Variants in LAMB2 observed in about 807,000 individuals in gnomAD.
The protein encoded by LAMB2 is laminin subunit beta 2.
A neutral mutation model predicts 202.7 loss-of-function variants in LAMB2; 119 were observed. That is an observed-to-expected ratio of 0.59 (90% CI 0.51 to 0.68). The LOEUF (loss-of-function observed/expected upper bound fraction) is 0.68, where lower values mean the gene tolerates loss of function less well. LAMB2 is among the 30% of genes least tolerant of loss of function. The probability of loss-of-function intolerance (pLI) is 0.00; values close to 1 mark genes in which losing one functional copy is unlikely to be tolerated. For synonymous variants in LAMB2, 818 were observed against 902.2 expected, an observed-to-expected ratio of 0.91 and a Z score of 1.67; for missense variants, 2,124 against 2,410.6, an observed-to-expected ratio of 0.88 and a Z score of 2.49.
intron 14 of LAMB2, 38 bp from the exon 15 acceptor site, chr3:49,128,623 C>T (rs770061806): frequency 6.2e-7 from 1 of 1,614,190 alleles, no homozygotes; most frequent in Non-Finnish European, 8.5e-7. Flanking sequence ...GCTCCCACAC[C>T]CAGAGGTTCA....
rs551006398 is a variant in LAMB2, at chr3:49,132,091, G to A, written c.459+25C>T. 21 of 1,609,348 alleles carry A rather than the reference G, an allele frequency of 1.3e-5. No homozygotes were observed. The highest frequency in any genetic ancestry group is 1.8e-5 in the Non-Finnish European group (21 of 1,175,896). On this transcript the variant is annotated intron_variant, in intron 4 of 31. Coordinates refer to ENST00000305544, the MANE Select transcript of LAMB2 (RefSeq NM_002292.4). The surrounding 1 kb of genome is among the most constrained non-coding windows in gnomAD (Gnocchi z 4.6). ...ATGGAGAGCCAAGCAGGGTGATTCG[G>A]GCAGGCTCCCAGATATGCAGGCACC...
Position 49,123,158 on chromosome 3 carries a change from G to C in LAMB2, c.4198C>G (p.Leu1400Val). 6.2e-7 allele frequency: 1 copy of C among 1,613,494 alleles called. No homozygotes were observed. Among genetic ancestry groups the C allele is most frequent in the Non-Finnish European group, 8.5e-7 (1 of 1,180,024 alleles). ...AGCTCATTTATGTCTGTCAGGCTCA[G>C]GGTGTGGGTATGGGCAGAGAGCTTG... ...LGKLSAHTHT[L>V]SLTDINELVC... Residue 1400 changes from leucine (L) to valine (V), a missense_variant, in exon 26 of 32, where the codon CTG becomes GTG. Physicochemically the swap from Leu to Val is conservative, Grantham distance 32 (BLOSUM62 1). Transcript: ENST00000305544.
Position 49,125,349 on chromosome 3 carries a change from C to T in LAMB2, c.2624G>A (p.Arg875Gln), listed in dbSNP as rs866936474. Residue 875 changes from arginine (R) to glutamine (Q), a missense_variant, in exon 19 of 32, where the codon CGG (arginine) becomes CAG (glutamine). Physicochemically the swap from Arg to Gln is conservative, Grantham distance 43. This residue lies in a region of LAMB2 where 1,702 missense variants were observed against 1,896.3 expected (regional missense o/e 0.90). Transcript: ENST00000305544. Reference sequence around the variant, plus strand: ...TGCATGCCCATTGCAGACACATGGCCGGCAGCTAGGGAATCCCCACTGGCC... The same window carrying T: ...TGCATGCCCATTGCAGACACATGGCTGGCAGCTAGGGAATCCCCACTGGCC... ...QRGQWGFPSC[R>Q]PCVCNGHADE... 8 of 1,613,930 alleles carry T rather than the reference C, an allele frequency of 5.0e-6. No homozygotes were observed. Among genetic ancestry groups the T allele is most frequent in the South Asian group, 3.3e-5 (3 of 91,082 alleles).
chr3:49,124,764 C>A lies in LAMB2; in HGVS notation c.3046G>T (p.Gly1016Cys). 6.2e-7 allele frequency: 1 copy of A among 1,614,188 alleles called. No homozygotes were observed. Among genetic ancestry groups the A allele is most frequent in the Non-Finnish European group, 8.5e-7 (1 of 1,180,038 alleles). ...GGCTTGCAGTGGGCACAGTGTGGACCCTCTGTGTGGTGTAAACAGCGCAGG... is the reference window on the plus strand; with the variant it reads ...GGCTTGCAGTGGGCACAGTGTGGACACTCTGTGTGGTGTAAACAGCGCAGG... ...QCLRCLHHTE[G>C]PHCAHCKPGF... The change falls in exon 21 of 32, where the codon GGT (glycine) becomes TGT (cysteine). Residue 1016 changes from glycine to cysteine, a missense_variant. This residue lies in a region of LAMB2 where 1,702 missense variants were observed against 1,896.3 expected (regional missense o/e 0.90). Coordinates refer to ENST00000305544, the MANE Select transcript of LAMB2 (RefSeq NM_002292.4).
At position 49,122,333 on chromosome 3, in the gene LAMB2, G is replaced by T. The variant is rs1436757841; in HGVS notation, c.4611C>A (p.Ala1537=). 6 of 1,613,282 alleles carry T rather than the reference G, an allele frequency of 3.7e-6. No homozygotes were observed. Residue 1537 remains alanine, a synonymous_variant, in exon 28 of 32, where the codon GCC becomes GCA. Transcript: ENST00000305544. ...GADPDSIEMV[A]TRVLELSIPA... is the part of the protein sequence containing the mutation. ...GGATGGAGAGCTCTAGCACCCGTGTGGCCACCATTTCAATGCTATCAGGAT... is the reference window on the plus strand; with the variant it reads ...GGATGGAGAGCTCTAGCACCCGTGTTGCCACCATTTCAATGCTATCAGGAT...
chr3:49,127,985 A>G (rs970491575), intron 15 of LAMB2, among the ~76,000 whole-genome samples: 3 of 143,180 alleles, frequency 2.1e-5, no homozygotes, highest in African/African-American at 7.8e-5. Flanking sequence ...GCACCACTGC[A>G]CTCCAGCCTG....
Position 49,130,244 on chromosome 3 carries a change from C to A in LAMB2, c.1212G>T (p.Pro404=). The A allele has an allele frequency of 1.2e-6, 2 of 1,614,218 alleles. No homozygotes were observed. Among genetic ancestry groups the A allele is most frequent in the Non-Finnish European group, 1.7e-6 (2 of 1,180,054 alleles). Residue 404 remains proline, a synonymous_variant, in exon 9 of 32, where the codon CCG becomes CCT. Transcript: ENST00000305544. The surrounding 1 kb of genome is among the most constrained non-coding windows in gnomAD (Gnocchi z 5.0). The part of the protein sequence containing the change: ...YRDPTKDLRD[P]AVCRSCDCDP... ...TCCCAGCCTCACAGCGGCACACAGC[C>A]GGATCCCGCAGGTCCTTGGTTGGGT...
Position 49,132,955 on chromosome 3 carries a change from C to A in LAMB2, c.-88G>T. ...CTTTGGGGTTCCGTGTCAACTCTGC[C>A]TGTGGGTCTTTGGCCTGTTTCCCTC... On this transcript the variant is annotated 5_prime_UTR_variant, in exon 1 of 32. The change creates a new upstream start codon in the 5' untranslated region. Transcript: ENST00000305544. The surrounding 1 kb of genome is among the most constrained non-coding windows in gnomAD (Gnocchi z 4.6). The A allele has an allele frequency of 8.2e-7, 1 of 1,223,736 alleles. No individual in the cohort carries two copies. The highest frequency in any genetic ancestry group is 1.7e-5 in the Admixed American group (1 of 57,424). The allele number at this position is 1,223,736 out of a possible 1,614,324, so 75.8% of individuals were successfully genotyped here.
In LAMB2 at chr3:49,131,501, G is replaced by A; in HGVS notation, c.648+34C>T. ...CCTTGCCTCAGGCCCATCATCCCCAGCTTCCAGCCCCCAGCCCAGATGCCA... is the reference window on the plus strand; with the variant it reads ...CCTTGCCTCAGGCCCATCATCCCCAACTTCCAGCCCCCAGCCCAGATGCCA... On this transcript the variant is annotated intron_variant, in intron 5 of 31. Transcript: ENST00000305544. This position sits in a 1 kb window ranked among gnomAD's most constrained non-coding sequence, Gnocchi z 5.0. The A allele has an allele frequency of 6.2e-7, 1 of 1,613,896 alleles. No homozygotes were observed. The highest frequency in any genetic ancestry group is 1.1e-5 in the South Asian group (1 of 91,078).
rs150213016 is a variant in LAMB2, at chr3:49,123,723, C to T, written c.3797+5G>A. On this transcript the variant is annotated splice_donor_5th_base_variant and intron_variant, in intron 24 of 31. Transcript: ENST00000305544. The stretch of plus-strand genomic sequence containing the variant: ...CCCACCATGTATTCTTAGGCCCTTC[C>T]GCACCGCAGCTCCTCTGTGGCCTCC... The T allele has an allele frequency of 8.3e-5, 134 of 1,613,502 alleles. No homozygotes were observed. The East Asian group carries it at 1.9e-3, about 23-fold the overall frequency.
In LAMB2 at chr3:49,122,821, C is replaced by T. The variant is rs1258961203; in HGVS notation, c.4456G>A (p.Glu1486Lys). Residue 1486 changes from glutamate to lysine, a missense_variant, in exon 27 of 32, where the codon GAG becomes AAG. This residue lies in a region of LAMB2 where 1,702 missense variants were observed against 1,896.3 expected (regional missense o/e 0.90). Coordinates refer to ENST00000305544, the MANE Select transcript of LAMB2 (RefSeq NM_002292.4). ...GCTGCCTGGGCCCGCTGCTGTGCCTCGCTTGCCTGCCGACGAGTCTCAGCC... is the reference window on the plus strand; with the variant it reads ...GCTGCCTGGGCCCGCTGCTGTGCCTTGCTTGCCTGCCGACGAGTCTCAGCC... The part of the protein sequence containing the change: ...RVAETRRQAS[E>K]AQQRAQAALD... 8 of 1,613,394 alleles carry T rather than the reference C, an allele frequency of 5.0e-6. No homozygotes were observed. The highest frequency in any genetic ancestry group is 3.3e-5 in the Admixed American group (2 of 60,014).
chr3:49,130,159 A>C lies in LAMB2; in HGVS notation c.1225+72T>G. The C allele has an allele frequency of 6.3e-7, 1 of 1,597,466 alleles. No individual in the cohort carries two copies. Among genetic ancestry groups the C allele is most frequent in the South Asian group, 1.1e-5 (1 of 90,220 alleles). Reference sequence around the variant, plus strand: ...CCCTAACCCCAATTTCCTGCAATTTAGACAGCAGTCCAGCTCTCTAGTTCC... The same window carrying C: ...CCCTAACCCCAATTTCCTGCAATTTCGACAGCAGTCCAGCTCTCTAGTTCC... On this transcript the variant is annotated intron_variant, in intron 9 of 31. Coordinates refer to ENST00000305544, the MANE Select transcript of LAMB2 (RefSeq NM_002292.4). This position sits in a 1 kb window ranked among gnomAD's most constrained non-coding sequence, Gnocchi z 5.0.
chr3:49,128,678 G>A lies in LAMB2; in HGVS notation c.1873C>T (p.Leu625=), dbSNP rs569372725. 15 of 1,614,208 alleles carry A rather than the reference G, an allele frequency of 9.3e-6. No individual in the cohort carries two copies. The highest frequency in any genetic ancestry group is 1.3e-5 in the Non-Finnish European group (15 of 1,180,046). Residue 625 remains leucine, a synonymous_variant, in exon 14 of 32, where the codon CTG becomes TTG. Coordinates refer to ENST00000305544, the MANE Select transcript of LAMB2 (RefSeq NM_002292.4). The stretch of plus-strand genomic sequence containing the variant: ...GGTCTAACCTGGGGCTCTAAGCGCA[G>A]CAGCAGGTCATAGTCCATAGCCTTC... ...VPKAMDYDLL[L]RLEPQVPEQW...
Position 49,130,283 on chromosome 3 carries a change from G to A in LAMB2, c.1173C>T (p.Pro391=). Residue 391 remains proline, a synonymous_variant, in exon 9 of 32, where the codon CCC becomes CCT. Transcript: ENST00000305544. This position sits in a 1 kb window ranked among gnomAD's most constrained non-coding sequence, Gnocchi z 5.0. ...TAGRHCELCR[P]FFYRDPTKDL... The stretch of plus-strand genomic sequence containing the variant: ...CCTTGGTTGGGTCACGGTAGAAGAA[G>A]GGCCGACAGAGCTCACAGTGGCGCC... 1 of 1,614,244 alleles carries A rather than the reference G, an allele frequency of 6.2e-7. No individual in the cohort carries two copies. Among genetic ancestry groups the A allele is most frequent in the Non-Finnish European group, 8.5e-7 (1 of 1,180,040 alleles).
chr3:49,128,036 A>AAAAG (rs1560074953), intron 15 of LAMB2, among the ~76,000 whole-genome samples: 4 of 149,694 alleles, frequency 2.7e-5, no homozygotes, highest in African/African-American at 9.8e-5. Context: ...AAAAAAAAAA[A>AAAAG]AAAGAAAAGA....
Position 49,131,280 on chromosome 3 carries a change from T to G in LAMB2, c.712+99A>C. On this transcript the variant is annotated intron_variant, in intron 6 of 31. Transcript: ENST00000305544. The surrounding 1 kb of genome is among the most constrained non-coding windows in gnomAD (Gnocchi z 5.0). ...ACTGCCACCCGAGCTAAACTGGGCT[T>G]GGCACCTGCCCTAGGAAGCACCCAA... is the stretch of plus-strand genomic sequence containing the variant. 6.7e-7 allele frequency: 1 copy of G among 1,489,990 alleles called. No individual in the cohort carries two copies. 92.3% of individuals were successfully genotyped at this position (1,489,990 alleles called of 1,614,324 possible). A position where few individuals can be genotyped will look rare whatever the true frequency, so the allele number is the denominator to read the frequency against.
chr3:49,129,176 CAAG>C lies in LAMB2; in HGVS notation c.1599-27_1599-25del. On this transcript the variant is annotated intron_variant, in intron 12 of 31. Coordinates refer to ENST00000305544, the MANE Select transcript of LAMB2 (RefSeq NM_002292.4). The surrounding 1 kb of genome is among the most constrained non-coding windows in gnomAD (Gnocchi z 6.1). ...ACCTGGAGGGAACTCTGTGGTTACT[CAAG>C]AAGAACCTTCTCTTCTGCTCAGGAT... is the stretch of plus-strand genomic sequence containing the variant. The C allele has an allele frequency of 1.2e-6, 2 of 1,614,084 alleles. No homozygotes were observed. The highest frequency in any genetic ancestry group is 1.7e-6 in the Non-Finnish European group (2 of 1,180,032).
In LAMB2 at chr3:49,125,111, A is replaced by G. The variant is rs761875604; in HGVS notation, c.2779T>C (p.Cys927Arg). 3.7e-6 allele frequency: 6 copies of G among 1,613,744 alleles called. No individual in the cohort carries two copies. Among genetic ancestry groups the G allele is most frequent in the South Asian group, 1.1e-5 (1 of 91,082 alleles). Reference sequence around the variant, plus strand: ...CTCCCAGGGCCTTCAGGACAGGGACAGGGCCGGCACTGGCCCCCATATGGC... The same window carrying G: ...CTCCCAGGGCCTTCAGGACAGGGACGGGGCCGGCACTGGCCCCCATATGGC... ...RLPYGGQCRP[C>R]PCPEGPGSQR... is the part of the protein sequence containing the mutation. The change falls in exon 20 of 32, where the codon TGT becomes CGT. Residue 927 changes from cysteine to arginine, a missense_variant. Cys to Arg is a radical substitution (Grantham distance 180). Transcript: ENST00000305544.
At position 49,125,021 on chromosome 3, in the gene LAMB2, G is replaced by A. The variant is rs372148651; in HGVS notation, c.2869C>T (p.Arg957Trp). 29 of 1,613,798 alleles carry A rather than the reference G, an allele frequency of 1.8e-5. No individual in the cohort carries two copies. Among genetic ancestry groups the A allele is most frequent in the Admixed American group, 8.3e-5 (5 of 60,006 alleles). ...ATCCACTCACCCGTATAGCCTGCCC[G>A]GCAGTGGCACACAATCTGCTGGGAA... The part of the protein sequence containing the change: ...EYSQQIVCHC[R>W]AGYTGLRCEA... Residue 957 changes from arginine to tryptophan, a missense_variant, in exon 20 of 32, where the codon CGG (arginine) becomes TGG (tryptophan). This residue lies in a region of LAMB2 where 1,702 missense variants were observed against 1,896.3 expected (regional missense o/e 0.90). Coordinates refer to ENST00000305544, the MANE Select transcript of LAMB2 (RefSeq NM_002292.4).
Sources: gnomAD v4.1 joint callset for allele counts (sites outside exome capture counted in the v4.1 genomes callset) on GRCh38, gnomAD v4.1.1 for gene constraint, gnomAD v4.1.1 regional missense constraint, Gnocchi (gnomAD v3.1) non-coding constraint, MANE v1.5 for transcripts, NCBI Gene and HGNC (gene_info 2026-07-23, HGNC 2026-07-21) for gene names.